TENM2: variants seen among roughly 807,000 people sequenced by gnomAD.
TENM2 encodes teneurin transmembrane protein 2, also known as teneurin-2.
A neutral mutation model predicts 245.2 loss-of-function variants in TENM2; 52 were observed. The observed-to-expected ratio is 0.21, with a 90% CI of 0.17 to 0.27. The LOEUF is 0.27. Among genes scored for constraint, TENM2 ranks in the 10% least tolerant of loss-of-function variants. The pLI, the probability that TENM2 is intolerant of heterozygous loss-of-function variation, is 1.00. For missense variants in TENM2, 3,046 were observed against 3,666.8 expected, an observed-to-expected ratio of 0.83 and a Z score of 4.37; for synonymous variants, 1,363 against 1,438.9, an observed-to-expected ratio of 0.95 and a Z score of 1.19.
intron 20 of TENM2, 198 bp from the exon 23 acceptor site, chr5:168,214,842 G>A (rs922786658): frequency 7.4e-6 from 5 of 676,884 alleles, no homozygotes; most frequent in Non-Finnish European, 1.4e-5. Context: ...AGCATAAGAA[G>A]CATAAGTCCA....
the TENM2 span, among the ~76,000 whole-genome samples, chr5:167,041,322 C>T: frequency 6.6e-6 from 1 of 152,152 alleles, no homozygotes; most frequent in Admixed American, 6.5e-5. Flanking sequence ...CCGTAATTTA[C>T]GCAACCAGCA....
At chr5:168,005,430 C>G (rs1356530246) in intron 5 of TENM2, among the ~76,000 whole-genome samples, 1 of 152,154 alleles carries the variant, frequency 6.6e-6, no homozygotes, top group Admixed American at 6.6e-5. Context: ...TTGCCCACGC[C>G]CTTTGTAATT....
intron 5 of TENM2, 111 bp from the exon 8 acceptor site, chr5:168,047,316 C>A: frequency 7.8e-7 from 1 of 1,281,440 alleles, no homozygotes; most frequent in Non-Finnish European, 1.1e-6. Flanking sequence ...CCATTTTTGA[C>A]GCAGCTTCCT....
intron 2 of TENM2, among the ~76,000 whole-genome samples, chr5:167,384,716 A>G (rs371017275): frequency 4.6e-4 from 58 of 125,568 alleles, no homozygotes; most frequent in East Asian, 2.1e-3. Flanking sequence ...GCACACACGC[A>G]CACACACACA....
chr5:167,115,799 T>A, the TENM2 span, among the ~76,000 whole-genome samples: 829 of 152,320 alleles, frequency 5.4e-3, 8 homozygotes, highest in African/African-American at 0.019. Flanking sequence ...TTAGTAGAGA[T>A]GCTTACCTTT....
chr5:168,094,548 A>G (rs1793202332), intron 8 of TENM2, among the ~76,000 whole-genome samples: 1 of 152,052 alleles, frequency 6.6e-6, no homozygotes, highest in African/African-American at 2.4e-5. Context: ...ATAGAACCCA[A>G]GTCATCCACA....
chr5:167,058,921 A>G, the TENM2 span, among the ~76,000 whole-genome samples: 4 of 152,210 alleles, frequency 2.6e-5, no homozygotes, highest in Non-Finnish European at 4.4e-5. Flanking sequence ...GGGATCTACA[A>G]GATATTTCAA....
chr5:167,530,024 T>C (rs1771387897), intron 2 of TENM2, among the ~76,000 whole-genome samples: 2 of 152,166 alleles, frequency 1.3e-5, no homozygotes, highest in Non-Finnish European at 2.9e-5. Flanking sequence ...AGAAAAGTCC[T>C]TTGTACTAAG....
intron 2 of TENM2, among the ~76,000 whole-genome samples, chr5:167,765,157 C>T (rs540341119): frequency 6.6e-6 from 1 of 152,282 alleles, no homozygotes; most frequent in South Asian, 2.1e-4. Context: ...AGAGCAAAAT[C>T]AAGAAGCTGA....
At chr5:167,077,233 A>G in the TENM2 span, among the ~76,000 whole-genome samples, 2 of 152,236 alleles carry the variant, frequency 1.3e-5, no homozygotes, top group East Asian at 3.8e-4. Context: ...TGTAACTAGA[A>G]CTAATATAGG....
chr5:167,957,440 A>C (rs1463900430), intron 4 of TENM2, among the ~76,000 whole-genome samples: 1 of 151,988 alleles, frequency 6.6e-6, no homozygotes, highest in Non-Finnish European at 1.5e-5. Flanking sequence ...GGATTCATTA[A>C]TTTTTTGAAG....
intron 9 of TENM2, among the ~76,000 whole-genome samples, chr5:168,114,548 G>T (rs1005575988): frequency 1.3e-5 from 2 of 152,166 alleles, no homozygotes; most frequent in Non-Finnish European, 2.9e-5. Context: ...GTCTGAGAAT[G>T]AATCAGTTGC....
chr5:167,332,118 T>A (rs1441765230), intron 1 of TENM2, among the ~76,000 whole-genome samples: 1 of 152,176 alleles, frequency 6.6e-6, no homozygotes, highest in East Asian at 1.9e-4. Context: ...CAAGTTTTTT[T>A]ATGACTCTAA....
At chr5:168,230,654 T>A (rs1402452455) in intron 25 of TENM2, among the ~76,000 whole-genome samples, 1 of 152,212 alleles carries the variant, frequency 6.6e-6, no homozygotes, top group Non-Finnish European at 1.5e-5. Flanking sequence ...TTAGTCTTGC[T>A]GTGTCTTTTC....
chr5:167,427,848 A>AG (rs1311967743), intron 2 of TENM2, among the ~76,000 whole-genome samples: 86 of 78,896 alleles, frequency 1.1e-3, no homozygotes, highest in Middle Eastern at 6.2e-3. Flanking sequence ...AAGGAAGGGA[A>AG]GAAGGAAGGA....
At chr5:167,728,613 A>AATG (rs528978497) in intron 2 of TENM2, 2,291 of 149,914 alleles carry the variant, frequency 0.015, 24 homozygotes, top group Middle Eastern at 0.037. Flanking sequence ...ATAAATAAAT[A>AATG]AATGAATGAA....
chr5:167,526,397 AAAG>A (rs1165902194), intron 2 of TENM2, among the ~76,000 whole-genome samples: 1 of 101,984 alleles, frequency 9.8e-6, no homozygotes, highest in Admixed American at 1.0e-4. Flanking sequence ...CACACACAGA[AAAG>A]AAGAATGAAT....
chr5:167,064,798 A>G, the TENM2 span, among the ~76,000 whole-genome samples: 1 of 152,262 alleles, frequency 6.6e-6, no homozygotes, highest in Non-Finnish European at 1.5e-5. Flanking sequence ...TGCACATTAC[A>G]AATAGTAACA....
chr5:167,210,362 A>G, the TENM2 span, among the ~76,000 whole-genome samples: 2 of 152,060 alleles, frequency 1.3e-5, no homozygotes, highest in African/African-American at 4.8e-5. Flanking sequence ...ATATTAGACA[A>G]TTTGTCCTAC....
Sources: gnomAD v4.1 joint callset for allele counts (sites outside exome capture counted in the v4.1 genomes callset) on GRCh38, gnomAD v4.1.1 for gene constraint, MANE v1.5 for transcripts, NCBI Gene and HGNC (gene_info 2026-07-23, HGNC 2026-07-21) for gene names.